The following DMTN variants were observed in gnomAD, a reference collection of about 807,000 sequenced individuals.
DMTN encodes dematin.
DMTN carries 27 observed loss-of-function variants against 59.4 expected under a neutral mutation model. The ratio of observed to expected loss-of-function variants is 0.45; its 90% confidence interval spans 0.33 to 0.63. DMTN has a LOEUF of 0.63. Among genes scored for constraint, DMTN ranks in the 20% least tolerant of loss-of-function variants. DMTN has a pLI of 0.02. For synonymous variants in DMTN, 221 were observed against 203.7 expected, an observed-to-expected ratio of 1.08 and a Z score of -0.72; for missense variants, 451 against 528.9, an observed-to-expected ratio of 0.85 and a Z score of 1.45.
In DMTN at chr8:22,076,602, G is replaced by A. The variant is rs191690680; in HGVS notation, c.835+2767G>A. Among the ~76,000 whole-genome samples, 7 of 150,742 alleles carry A rather than the reference G, an allele frequency of 4.6e-5. No individual in the cohort carries two copies. The East Asian group carries it at 9.8e-4, about 21-fold the overall frequency. On this transcript the variant is annotated intron_variant, in intron 10 of 15. Coordinates refer to ENST00000358242, the MANE Select transcript of DMTN (RefSeq NM_001387751.1). Reference sequence around the variant, plus strand: ...TATATATATGTATATATGTGTGTGTGTATATATATATGTCACTATATATAT... The same window carrying A: ...TATATATATGTATATATGTGTGTGTATATATATATATGTCACTATATATAT...
chr8:22,051,769 A>G (rs56317439), upstream of DMTN, among the ~76,000 whole-genome samples: 593 of 151,820 alleles, frequency 3.9e-3, 4 homozygotes, highest in Non-Finnish European at 6.7e-3. Context: ...CTAAATATCC[A>G]CTCGCTCCCT....
Position 22,066,848 on chromosome 8 carries a change from G to A in DMTN, c.-28G>A. 1 of 1,415,826 alleles carries A rather than the reference G, an allele frequency of 7.1e-7. No individual in the cohort carries two copies. The highest frequency in any genetic ancestry group is 9.2e-7 in the Non-Finnish European group (1 of 1,082,112). 87.7% of individuals were successfully genotyped at this position (1,415,826 alleles called of 1,614,324 possible). ...TCCCCTCGCGCACAGGGCTCTGCGA[G>A]TGACCCGGCGGGCGAGCTCCGTGCT... On this transcript the variant is annotated 5_prime_UTR_variant, in exon 2 of 16. The change creates a new upstream start codon in the 5' untranslated region. Coordinates refer to ENST00000358242, the MANE Select transcript of DMTN (RefSeq NM_001387751.1).
chr8:22,075,317 C>CCTT (rs1303090457), intron 10 of DMTN, among the ~76,000 whole-genome samples: 1 of 151,724 alleles, frequency 6.6e-6, no homozygotes, highest in Non-Finnish European at 1.5e-5. Context: ...TCCCCCTCCC[C>CCTT]CTTCTTCTTC....
At chr8:22,052,320 C>T (rs1344344305), upstream of DMTN, among the ~76,000 whole-genome samples, 2 of 152,190 alleles carry the variant, frequency 1.3e-5, no homozygotes, top group Non-Finnish European at 2.9e-5. Context: ...GTATGTTGCA[C>T]AGGGTAAATG....
intron 1 of DMTN, among the ~76,000 whole-genome samples, chr8:22,065,875 C>T (rs1277099063): frequency 2.1e-5 from 3 of 142,800 alleles, no homozygotes; most frequent in African/African-American, 5.2e-5. Flanking sequence ...GGGTCTTACT[C>T]TGTCACCCAG....
Position 22,069,946 on chromosome 8 carries a change from G to A in DMTN, c.451+9G>A, listed in dbSNP as rs750349771. The A allele has an allele frequency of 2.7e-5, 44 of 1,613,902 alleles. No individual in the cohort carries two copies. In the South Asian group the frequency reaches 3.0e-4, roughly 11 times the overall value. On this transcript the variant is annotated intron_variant, in intron 7 of 15. Transcript: ENST00000358242. ...CATCTATAAGCAGAGAGGTGAGGGC[G>A]CCCCTGGCTCACCAGAGCCTGCTTC...
At chr8:22,057,190 G>A (rs1435278349) in intron 1 of DMTN, 54 bp downstream of exon 1, 1 of 152,384 alleles carries the variant, frequency 6.6e-6, no homozygotes, top group Non-Finnish European at 1.5e-5. Context: ...CTGGGCCACA[G>A]CGCTTGCTGG....
intron 5 of DMTN, 157 bp downstream of exon 5, chr8:22,069,217 G>T: frequency 1.0e-6 from 1 of 973,996 alleles, no homozygotes; most frequent in Non-Finnish European, 1.5e-6. Context: ...CCATCATTCT[G>T]TCGGACCCAG....
At chr8:22,077,053 TG>T (rs35804732) in intron 10 of DMTN, among the ~76,000 whole-genome samples, 116,111 of 151,870 alleles carry the variant, frequency 0.76, 45,313 homozygotes, top group East Asian at 0.97. Flanking sequence ...TGTCCACAGC[TG>T]GGGGCAGGAT....
At chr8:22,078,288 C>T (rs1469574617) in intron 10 of DMTN, among the ~76,000 whole-genome samples, 1 of 151,966 alleles carries the variant, frequency 6.6e-6, no homozygotes, top group Non-Finnish European at 1.5e-5. Flanking sequence ...TCACCTGAGC[C>T]TGGGAGGCAG....
In DMTN at chr8:22,070,180, A is replaced by G; in HGVS notation, c.452-2A>G. The G allele has an allele frequency of 6.3e-7, 1 of 1,579,896 alleles. No individual in the cohort carries two copies. Among genetic ancestry groups the G allele is most frequent in the Non-Finnish European group, 8.6e-7 (1 of 1,160,882 alleles). On this transcript the variant is annotated splice_acceptor_variant, in intron 7 of 15. Transcript: ENST00000358242. LOFTEE classifies it high-confidence loss of function. ...CTGGCTGACCCTGGCCTTTGTCTGC[A>G]GAGTCCGTGGGAGGCAGCCCTCAGA...
At chr8:22,074,564 C>T (rs1818284369) in intron 10 of DMTN, among the ~76,000 whole-genome samples, 1 of 152,186 alleles carries the variant, frequency 6.6e-6, no homozygotes, top group Admixed American at 6.5e-5. Flanking sequence ...TGTGAATCAC[C>T]GCGTCCAGCT....
intron 10 of DMTN, among the ~76,000 whole-genome samples, chr8:22,074,227 G>C (rs1179805998): frequency 6.6e-6 from 1 of 152,050 alleles, no homozygotes; most frequent in African/African-American, 2.4e-5. Flanking sequence ...CACAGCAACA[G>C]GGCCTGGGAG....
intron 3 of DMTN, 141 bp from the exon 4 acceptor site, chr8:22,067,386 C>T: frequency 7.6e-7 from 1 of 1,307,392 alleles, no homozygotes; most frequent in Non-Finnish European, 1.0e-6. Context: ...TTTAAGGTGA[C>T]TAATTTCTTA....
chr8:22,069,567 AG>A, intron 6 of DMTN, 49 bp downstream of exon 6: 1 of 1,472,962 alleles, frequency 6.8e-7, no homozygotes, highest in Non-Finnish European at 9.3e-7. Context: ...TTTCTCCATC[AG>A]GAACCCCAAT....
chr8:22,075,896 C>A (rs1313385184), intron 10 of DMTN, among the ~76,000 whole-genome samples: 1 of 152,150 alleles, frequency 6.6e-6, no homozygotes. Context: ...ACAGTGCAGG[C>A]CATCTTTGGA....
intron 1 of DMTN, chr8:22,066,495 G>C: frequency 6.2e-6 from 1 of 161,150 alleles, no homozygotes; most frequent in Non-Finnish European, 1.4e-5. Flanking sequence ...GCTGACCCCT[G>C]CCGTCATTTC....
chr8:22,081,092 T>TGGGGGGGGGGGGGCGGGGCGGGGGGG, intron 14 of DMTN, 21 bp from the exon 15 acceptor site: 1 of 1,547,318 alleles, frequency 6.5e-7, no homozygotes, highest in Non-Finnish European at 8.9e-7. Flanking sequence ...AGCCTAAGAT[T>TGGGGGGGGGGGGGCGGGGCGGGGGGG]GCCCCTCCCC....
At chr8:22,067,724 C>T in intron 4 of DMTN, 42 bp downstream of exon 4, 1 of 1,604,990 alleles carries the variant, frequency 6.2e-7, no homozygotes, top group Non-Finnish European at 8.5e-7. Flanking sequence ...GGGAGGCCCC[C>T]CCCAGCCACA....
Sources: allele counts gnomAD v4.1 joint callset (sites outside exome capture counted in the v4.1 genomes callset), GRCh38; gene constraint gnomAD v4.1.1; transcripts MANE v1.5; gene names NCBI Gene and HGNC (gene_info 2026-07-23, HGNC 2026-07-21).